Variants in DPH6 observed in about 807,000 individuals in gnomAD.
The protein encoded by DPH6 is diphthamine biosynthesis 6, also known as diphthine--ammonia ligase.
Under a neutral mutation model 38.2 loss-of-function variants are expected in DPH6, and 33 were observed. The observed-to-expected ratio is 0.86, with a 90% CI of 0.65 to 1.15. The LOEUF is 1.15. DPH6 is among the 50% of genes most tolerant of loss of function. The probability of loss-of-function intolerance (pLI) is 0.00; values close to 1 mark genes in which losing one functional copy is unlikely to be tolerated. For synonymous variants in DPH6, 108 were observed against 103.0 expected (o/e 1.05, Z -0.30); for missense variants, 325 against 320.0 (o/e 1.02, Z -0.12).
intron 3 of DPH6, among the ~76,000 whole-genome samples, chr15:35,288,520 A>G (rs976091325): frequency 2.6e-5 from 4 of 152,130 alleles, no homozygotes; most frequent in African/African-American, 9.7e-5. Context: ...TACTTTCTCT[A>G]CCTTCCTAAC....
chr15:35,480,952 CAT>C (rs1276191649), intron 3 of DPH6, among the ~76,000 whole-genome samples: 1 of 143,372 alleles, frequency 7.0e-6, no homozygotes, highest in Non-Finnish European at 1.5e-5. Context: ...GATGGAAGAA[CAT>C]ACAACCATAT....
chr15:35,265,093 T>G (rs76129862), intron 3 of DPH6, among the ~76,000 whole-genome samples: 2,981 of 152,162 alleles, frequency 0.02, 41 homozygotes, highest in Admixed American at 0.029. Context: ...ATAATCCATC[T>G]AGAAAAATAA....
intron 3 of DPH6, among the ~76,000 whole-genome samples, chr15:35,284,801 A>ATTTT (rs71123127): frequency 0.012 from 934 of 79,244 alleles, 67 homozygotes; most frequent in East Asian, 0.049. Context: ...AAGTCTCCAA[A>ATTTT]TTTTTTTTTT....
At position 35,442,336 on chromosome 15, in the gene DPH6, T is replaced by C. The variant is rs906031335; in HGVS notation, c.505+8349A>G. On this transcript the variant is annotated intron_variant, in intron 5 of 8. Transcript: ENST00000256538. ...ATAAAACCACAATGAGATAAGACTT[T>C]ACATTCACCATGATAGCTATAAGAA... 7.9e-5 allele frequency among the ~76,000 whole-genome samples: 12 copies of C among 152,168 alleles called. 1 individual carries two copies. The highest frequency in any genetic ancestry group is 2.6e-4 in the Admixed American group (4 of 15,274).
At chr15:35,378,830 G>A (rs982176524) in intron 7 of DPH6, among the ~76,000 whole-genome samples, 2 of 151,980 alleles carry the variant, frequency 1.3e-5, no homozygotes, top group Non-Finnish European at 2.9e-5. Flanking sequence ...TGTCAGGGGT[G>A]GGGGGCTGGG....
At chr15:35,253,205 T>C (rs966952050) in intron 3 of DPH6, among the ~76,000 whole-genome samples, 2 of 152,228 alleles carry the variant, frequency 1.3e-5, no homozygotes, top group South Asian at 4.1e-4. Flanking sequence ...TGAGATTTTT[T>C]CCCCATTATT....
chr15:35,497,930 T>C (rs992178714), intron 3 of DPH6, among the ~76,000 whole-genome samples: 4 of 152,180 alleles, frequency 2.6e-5, no homozygotes, highest in African/African-American at 7.2e-5. Context: ...AACCGAAAGA[T>C]TCCATCTGTT....
chr15:35,378,558 A>G (rs1205502288), intron 7 of DPH6, among the ~76,000 whole-genome samples: 1 of 152,198 alleles, frequency 6.6e-6, no homozygotes, highest in Non-Finnish European at 1.5e-5. Flanking sequence ...TTCACATAGC[A>G]AAGACTTGGA....
intron 3 of DPH6, among the ~76,000 whole-genome samples, chr15:35,529,140 T>C (rs1053263562): frequency 2.0e-5 from 3 of 152,158 alleles, no homozygotes; most frequent in East Asian, 3.8e-4. Flanking sequence ...TCAAGGATAT[T>C]GTATTAGTCT....
At chr15:35,179,925 CCTT>C in the DPH6 span, among the ~76,000 whole-genome samples, 1 of 152,146 alleles carries the variant, frequency 6.6e-6, no homozygotes, top group East Asian at 1.9e-4. Flanking sequence ...TCCTTTGTCT[CCTT>C]CTGAAAACGT....
chr15:35,531,957 GAGACCCACAGT>G (rs1410920728), intron 3 of DPH6, among the ~76,000 whole-genome samples: 1 of 152,102 alleles, frequency 6.6e-6, no homozygotes, highest in African/African-American at 2.4e-5. Flanking sequence ...ATGATGCAAT[GAGACCCACAGT>G]AGAGTTATAG....
chr15:35,163,846 C>A, the DPH6 span, among the ~76,000 whole-genome samples: 1 of 151,710 alleles, frequency 6.6e-6, no homozygotes, highest in Non-Finnish European at 1.5e-5. Context: ...TTTGTTCTGG[C>A]AGTAGCTCAG....
chr15:35,423,599 T>TAA (rs112908935), intron 5 of DPH6, among the ~76,000 whole-genome samples: 74 of 150,984 alleles, frequency 4.9e-4, no homozygotes, highest in African/African-American at 1.5e-3. Flanking sequence ...TGGTGTCATA[T>TAA]AAAAAAAAAT....
intron 3 of DPH6, among the ~76,000 whole-genome samples, chr15:35,532,462 A>G (rs2055102777): frequency 6.6e-6 from 1 of 152,148 alleles, no homozygotes; most frequent in Admixed American, 6.5e-5. Flanking sequence ...TGCTGGAGCT[A>G]TAATGGTGAT....
intron 3 of DPH6, among the ~76,000 whole-genome samples, chr15:35,353,673 G>T (rs1235659436): frequency 6.6e-6 from 1 of 152,142 alleles, no homozygotes. Context: ...TGCTGTTTTG[G>T]TTACTGTAGC....
intron 3 of DPH6, among the ~76,000 whole-genome samples, chr15:35,301,643 TAAAAGA>T (rs1049429711): frequency 1.2e-4 from 19 of 152,106 alleles, no homozygotes; most frequent in African/African-American, 4.1e-4. Context: ...ATCTATACAT[TAAAAGA>T]AAAATTAAAA....
the DPH6 span, among the ~76,000 whole-genome samples, chr15:35,192,797 A>G: frequency 6.6e-6 from 1 of 152,214 alleles, no homozygotes; most frequent in Non-Finnish European, 1.5e-5. Context: ...CATCAACAAC[A>G]TTCATTTATT....
At chr15:35,447,770 G>A (rs2053874794) in intron 5 of DPH6, among the ~76,000 whole-genome samples, 1 of 151,726 alleles carries the variant, frequency 6.6e-6, no homozygotes, top group African/African-American at 2.4e-5. Context: ...CTTTAAACTC[G>A]AGCCTAGGAC....
chr15:35,324,179 A>C (rs2052263752), intron 3 of DPH6, among the ~76,000 whole-genome samples: 1 of 152,198 alleles, frequency 6.6e-6, no homozygotes, highest in Non-Finnish European at 1.5e-5. Flanking sequence ...TGCCCAGCAT[A>C]TGGTAGACAT....
Sources: gnomAD v4.1 joint callset for allele counts (sites outside exome capture counted in the v4.1 genomes callset) on GRCh38, gnomAD v4.1.1 for gene constraint, MANE v1.5 for transcripts, NCBI Gene and HGNC (gene_info 2026-07-23, HGNC 2026-07-21) for gene names.